PON3: variants seen among roughly 807,000 people sequenced by gnomAD.
PON3 encodes the protein serum paraoxonase/lactonase 3.
A neutral mutation model predicts 36.3 loss-of-function variants in PON3; 37 were observed. The ratio of observed to expected loss-of-function variants is 1.02; its 90% CI spans 0.78 to 1.34. PON3 has a LOEUF of 1.34. Ranked by LOEUF, PON3 falls within the 40% of genes most tolerant of loss-of-function variation. PON3 has a pLI of 0.00. For synonymous variants in PON3, 155 were observed against 154.8 expected (o/e 1.00, Z -0.01); for missense variants, 415 against 426.5 (o/e 0.97, Z 0.24).
At chr7:95,379,575 G>C (rs1808997406) in intron 3 of PON3, among the ~76,000 whole-genome samples, 1 of 152,250 alleles carries the variant, frequency 6.6e-6, no homozygotes, top group South Asian at 2.1e-4. Flanking sequence ...CTGGCTCGGA[G>C]GGTTCCACAC....
chr7:95,375,338 A>G lies in PON3; in HGVS notation c.202-3000T>C, dbSNP rs542010670. ...TGTATGTGTGTGTATATATGTATGT[A>G]TATATATACACACTCACATATGTTA... On this transcript the variant is annotated intron_variant, in intron 3 of 8. Transcript: ENST00000265627. Among the ~76,000 whole-genome samples the G allele has an allele frequency of 2.9e-4, 43 of 150,174 alleles. 1 individual carries two copies. The highest frequency in any genetic ancestry group is 9.7e-4 in the African/African-American group (40 of 41,114).
intron 3 of PON3, among the ~76,000 whole-genome samples, chr7:95,387,597 C>T (rs147460052): frequency 8.0e-4 from 122 of 152,260 alleles, no homozygotes; most frequent in African/African-American, 2.7e-3. Context: ...CATCAAGCTA[C>T]CAATGATTTT....
chr7:95,369,611 C>T (rs1287999471), intron 4 of PON3, among the ~76,000 whole-genome samples: 4 of 152,042 alleles, frequency 2.6e-5, no homozygotes, highest in Non-Finnish European at 4.4e-5. Context: ...CCTGTCTCTA[C>T]TAAAAATACA....
At chr7:95,361,967 G>T (rs564560279) in intron 8 of PON3, among the ~76,000 whole-genome samples, 1 of 152,054 alleles carries the variant, frequency 6.6e-6, no homozygotes, top group Non-Finnish European at 1.5e-5. Flanking sequence ...ATTTTGAGGC[G>T]ACAGTTATTT....
chr7:95,384,592 T>C (rs1159770764), intron 3 of PON3, among the ~76,000 whole-genome samples: 1 of 152,034 alleles, frequency 6.6e-6, no homozygotes, highest in Non-Finnish European at 1.5e-5. Flanking sequence ...AACAGACCCA[T>C]GAAAAAATGC....
intron 2 of PON3, 50 bp from the exon 3 acceptor site, chr7:95,390,259 A>T (rs371627916): frequency 7.6e-5 from 106 of 1,392,714 alleles, no homozygotes; most frequent in Non-Finnish European, 1.1e-4. Flanking sequence ...AGGCTTAAAA[A>T]ATACGTCTCA....
Position 95,377,514 on chromosome 7 carries a change from AG to A in PON3, c.202-5177del, listed in dbSNP as rs772922360. The stretch of plus-strand genomic sequence containing the variant: ...GTAGCCTGACTGGGAGACACCTCCC[AG>A]TAGGGGCTGACAGATACCTCATACA... On this transcript the variant is annotated intron_variant, in intron 3 of 8. Coordinates refer to ENST00000265627, the MANE Select transcript of PON3 (RefSeq NM_000940.3). The A allele has an allele frequency of 1.8e-5, 7 of 397,848 alleles. 1 individual carries two copies. Among genetic ancestry groups the A allele is most frequent in the South Asian group, 1.2e-4 (7 of 56,820 alleles). The allele number at this position is 397,848 out of a possible 1,614,324, so 24.6% of individuals were successfully genotyped here.
At chr7:95,383,567 A>C (rs1216410158) in intron 3 of PON3, among the ~76,000 whole-genome samples, 1 of 152,256 alleles carries the variant, frequency 6.6e-6, no homozygotes, top group East Asian at 1.9e-4. Context: ...TAACAGACAA[A>C]CAGAGAGCCA....
chr7:95,362,573 C>G lies in PON3; in HGVS notation c.778-83G>C, dbSNP rs143674055. 2.0e-5 allele frequency: 32 copies of G among 1,591,970 alleles called. No homozygotes were observed. The African/African-American group carries it at 3.6e-4, about 18-fold the overall frequency. On this transcript the variant is annotated intron_variant, in intron 7 of 8. Coordinates refer to ENST00000265627, the MANE Select transcript of PON3 (RefSeq NM_000940.3). ...CTATTCATCCCCACAACCCCTACAG[C>G]TTCTTCTGGCACCTAAAGTTGGTGT...
At chr7:95,395,359 T>C (rs1381948943) in intron 1 of PON3, among the ~76,000 whole-genome samples, 1 of 152,240 alleles carries the variant, frequency 6.6e-6, no homozygotes, top group Admixed American at 6.5e-5. Context: ...TTAAAGTATA[T>C]TCAGAAAGAC....
At chr7:95,368,814 CAA>C (rs11388951) in intron 4 of PON3, among the ~76,000 whole-genome samples, 7 of 133,086 alleles carry the variant, frequency 5.3e-5, no homozygotes, top group Non-Finnish European at 4.9e-5. Context: ...CAAAAACAAA[CAA>C]AAAAAAAAAA....
At position 95,360,064 on chromosome 7, in the gene PON3, G is replaced by A. The variant is rs1808530930; in HGVS notation, c.974C>T (p.Ser325Phe). 6.2e-7 allele frequency: 1 copy of A among 1,613,128 alleles called. No homozygotes were observed. Among genetic ancestry groups the A allele is most frequent in the Non-Finnish European group, 8.5e-7 (1 of 1,179,586 alleles). ...RVSTVYANNG[S>F]VLQGTSVASV... ...AGCCACAGAGGTGCCCTGAAGCACA[G>A]AGCCATTGTTGGCATACACGGTGCT... The change falls in exon 9 of 9, where the codon TCT (serine) becomes TTT (phenylalanine). Residue 325 changes from serine to phenylalanine, a missense_variant. Physicochemically the swap from Ser to Phe is radical, Grantham distance 155 (BLOSUM62 -2). Transcript: ENST00000265627.
At chr7:95,365,465 G>C (rs996003272) in intron 5 of PON3, 4 of 152,292 alleles carry the variant, frequency 2.6e-5, no homozygotes, top group Non-Finnish European at 1.5e-5. Flanking sequence ...GATGGGGCTG[G>C]TGGATAAACC....
intron 3 of PON3, among the ~76,000 whole-genome samples, chr7:95,379,597 T>G (rs987359551): frequency 8.5e-5 from 13 of 152,224 alleles, no homozygotes; most frequent in African/African-American, 3.1e-4. Flanking sequence ...CATGGAGCCT[T>G]GCTCATTGCT....
At chr7:95,385,851 T>C (rs188445826) in intron 3 of PON3, among the ~76,000 whole-genome samples, 41 of 152,214 alleles carry the variant, frequency 2.7e-4, no homozygotes, top group Admixed American at 1.5e-3. Context: ...GAAATAAAGA[T>C]TTTCTTTGAC....
chr7:95,390,592 T>A (rs1809296753), intron 2 of PON3, among the ~76,000 whole-genome samples: 1 of 152,184 alleles, frequency 6.6e-6, no homozygotes, highest in Non-Finnish European at 1.5e-5. Context: ...AAAGTCATAA[T>A]CGTGAAGGTC....
At chr7:95,380,955 AG>A (rs1335046289) in intron 3 of PON3, among the ~76,000 whole-genome samples, 1 of 152,228 alleles carries the variant, frequency 6.6e-6, no homozygotes, top group African/African-American at 2.4e-5. Context: ...CCAGAGAGAA[AG>A]GTCCAGTTAC....
intron 8 of PON3, 24 bp downstream of exon 8, chr7:95,362,338 G>A: frequency 6.2e-7 from 1 of 1,613,238 alleles, no homozygotes; most frequent in Non-Finnish European, 8.5e-7. Context: ...TTGCCTGTGA[G>A]CTCAGAGAGG....
intron 3 of PON3, among the ~76,000 whole-genome samples, chr7:95,384,244 A>G (rs1270076807): frequency 1.3e-5 from 2 of 152,250 alleles, no homozygotes; most frequent in African/African-American, 4.8e-5. Flanking sequence ...CTAAAACCAT[A>G]AAAACCCTAG....
Sources: allele counts gnomAD v4.1 joint callset (sites outside exome capture counted in the v4.1 genomes callset), GRCh38; gene constraint gnomAD v4.1.1; transcripts MANE v1.5; gene names NCBI Gene and HGNC (gene_info 2026-07-23, HGNC 2026-07-21).